Variants in IL1RAPL1 observed in about 807,000 individuals in gnomAD.
IL1RAPL1 encodes interleukin 1 receptor accessory protein like 1.
Under a neutral mutation model 48.4 loss-of-function variants are expected in IL1RAPL1, and 3 were observed. The observed-to-expected ratio is 0.06, with a 90% CI of 0.03 to 0.16. The LOEUF is 0.16. Among genes scored for constraint, IL1RAPL1 ranks in the 10% least tolerant of loss-of-function variants. The pLI is 1.00. For missense variants in IL1RAPL1, 349 were observed against 530.6 expected (o/e 0.66, Z 3.36); for synonymous variants, 185 against 187.7 (o/e 0.99, Z 0.12).
intron 6 of IL1RAPL1, among the ~76,000 whole-genome samples, chrX:29,813,552 T>A (rs896297476): frequency 8.9e-6 from 1 of 111,967 alleles, no homozygotes; most frequent in Non-Finnish European, 1.9e-5. Context: ...TTCTTAATGC[T>A]GGCTGCTTTC....
intron 2 of IL1RAPL1, among the ~76,000 whole-genome samples, chrX:29,108,020 G>A (rs1928483088): frequency 8.9e-6 from 1 of 111,864 alleles, no homozygotes; most frequent in Non-Finnish European, 1.9e-5. Flanking sequence ...CATACCTGGA[G>A]AACTAGCACA....
intron 2 of IL1RAPL1, among the ~76,000 whole-genome samples, chrX:29,006,647 A>ATATGTGTGTGTGTG (rs1274128284): frequency 6.5e-5 from 5 of 76,929 alleles, no homozygotes; most frequent in African/African-American, 2.5e-4. Context: ...GTTTATATAT[A>ATATGTGTGTGTGTG]TGTGTGTGTG....
At chrX:29,545,191 C>CTA (rs1421630795) in intron 5 of IL1RAPL1, among the ~76,000 whole-genome samples, 1 of 42,685 alleles carries the variant, frequency 2.3e-5, no homozygotes, top group East Asian at 5.2e-4. Flanking sequence ...ATCTATCTAT[C>CTA]TATCTATCTA....
At chrX:28,591,333 A>G (rs1933905710) in intron 1 of IL1RAPL1, among the ~76,000 whole-genome samples, 1 of 112,268 alleles carries the variant, frequency 8.9e-6, no homozygotes, top group African/African-American at 3.2e-5. Flanking sequence ...ACAAATCAGT[A>G]TTACTTTTAA....
At chrX:29,630,534 C>A (rs982468626) in intron 5 of IL1RAPL1, among the ~76,000 whole-genome samples, 1 of 96,060 alleles carries the variant, frequency 1.0e-5, no homozygotes, top group Admixed American at 1.2e-4. Context: ...AAAATAGTTT[C>A]TCCAGACTTT....
At chrX:29,728,414 A>G (rs1255509466) in intron 6 of IL1RAPL1, among the ~76,000 whole-genome samples, 1 of 111,976 alleles carries the variant, frequency 8.9e-6, no homozygotes, top group African/African-American at 3.3e-5. Flanking sequence ...CATATGCTTC[A>G]CTGCAAAAAT....
chrX:29,034,720 A>G (rs1926692855), intron 2 of IL1RAPL1, among the ~76,000 whole-genome samples: 1 of 111,919 alleles, frequency 8.9e-6, no homozygotes, highest in African/African-American at 3.2e-5. Flanking sequence ...ATTTCTGGAA[A>G]CTTTCCAAGT....
chrX:29,521,985 G>T (rs1404128046), intron 5 of IL1RAPL1, among the ~76,000 whole-genome samples: 1 of 110,863 alleles, frequency 9.0e-6, no homozygotes, highest in African/African-American at 3.3e-5. Flanking sequence ...TATTCCTTCT[G>T]CAAGAAGGAA....
At chrX:28,820,011 T>TACAC (rs1371457096) in intron 2 of IL1RAPL1, among the ~76,000 whole-genome samples, 8 of 76,452 alleles carry the variant, frequency 1.0e-4, no homozygotes, top group African/African-American at 4.1e-4. Flanking sequence ...TATATATATA[T>TACAC]ATACATGTAC....
intron 2 of IL1RAPL1, among the ~76,000 whole-genome samples, chrX:29,280,596 C>A (rs1172736722): frequency 8.9e-6 from 1 of 111,983 alleles, no homozygotes; most frequent in African/African-American, 3.2e-5. Context: ...TTTATTCATG[C>A]ATTCATTCAT....
intron 2 of IL1RAPL1, among the ~76,000 whole-genome samples, chrX:29,074,681 A>T (rs1352628554): frequency 1.8e-5 from 2 of 111,996 alleles, no homozygotes; most frequent in Non-Finnish European, 3.8e-5. Context: ...TTACATTGTG[A>T]TCCAAACAAT....
chrX:29,438,008 G>C (rs961385370), intron 5 of IL1RAPL1, among the ~76,000 whole-genome samples: 2 of 110,773 alleles, frequency 1.8e-5, no homozygotes, highest in African/African-American at 6.5e-5. Context: ...TCTGGACATG[G>C]AGATTTCTTT....
intron 3 of IL1RAPL1, among the ~76,000 whole-genome samples, chrX:29,360,772 G>A (rs925821173): frequency 4.5e-5 from 5 of 111,561 alleles, no homozygotes; most frequent in Non-Finnish European, 7.5e-5. Context: ...ACAATAACTA[G>A]CACATAGCAG....
chrX:29,944,441 G>A (rs1358948691), intron 9 of IL1RAPL1, among the ~76,000 whole-genome samples: 2 of 111,445 alleles, frequency 1.8e-5, no homozygotes, highest in East Asian at 5.6e-4. Context: ...TAATTATATA[G>A]CAAGTTTAAA....
intron 5 of IL1RAPL1, among the ~76,000 whole-genome samples, chrX:29,560,505 T>C (rs1922155661): frequency 8.9e-6 from 1 of 111,891 alleles, no homozygotes; most frequent in Admixed American, 9.5e-5. Context: ...CCGTAGTGAA[T>C]GTATCGGTTC....
intron 3 of IL1RAPL1, among the ~76,000 whole-genome samples, chrX:29,331,939 A>G (rs1232423354): frequency 9.0e-6 from 1 of 110,505 alleles, no homozygotes; most frequent in Non-Finnish European, 1.9e-5. Flanking sequence ...ATTATAAGAA[A>G]TCACATATGT....
At chrX:28,777,818 T>A (rs1936375906) in intron 1 of IL1RAPL1, among the ~76,000 whole-genome samples, 1 of 111,371 alleles carries the variant, frequency 9.0e-6, no homozygotes, top group Non-Finnish European at 1.9e-5. Context: ...GTGAAGGTGC[T>A]ACTGGTATCT....
At chrX:29,099,615 T>C (rs1928290702) in intron 2 of IL1RAPL1, among the ~76,000 whole-genome samples, 1 of 111,981 alleles carries the variant, frequency 8.9e-6, no homozygotes, top group Non-Finnish European at 1.9e-5. Flanking sequence ...AAATCCCATG[T>C]GTTATTACCT....
intron 5 of IL1RAPL1, among the ~76,000 whole-genome samples, chrX:29,524,135 T>C (rs182492834): frequency 9.2e-6 from 1 of 109,122 alleles, no homozygotes; most frequent in Admixed American, 9.9e-5. Flanking sequence ...AAGTATGTAA[T>C]GTAGGACAAT....
Sources: gnomAD v4.1 joint callset for allele counts (sites outside exome capture counted in the v4.1 genomes callset) on GRCh38, gnomAD v4.1.1 for gene constraint, MANE v1.5 for transcripts, NCBI Gene and HGNC (gene_info 2026-07-23, HGNC 2026-07-21) for gene names.